The following PTPRD variants were observed in gnomAD, a reference collection of about 807,000 sequenced individuals.
PTPRD encodes receptor-type tyrosine-protein phosphatase delta.
PTPRD carries 34 observed loss-of-function variants against 214.5 expected under a neutral mutation model. The observed-to-expected ratio is 0.16, with a 90% CI of 0.12 to 0.21. PTPRD has a LOEUF of 0.21. Ranked by LOEUF, PTPRD falls within the 10% of genes least tolerant of loss-of-function variation. The probability of loss-of-function intolerance (pLI) is 1.00; values close to 1 mark genes in which losing one functional copy is unlikely to be tolerated. For missense variants in PTPRD, 2,545 were observed against 2,398.7 expected, an observed-to-expected ratio of 1.06 and a Z score of -1.27; for synonymous variants, 1,128 against 845.7, an observed-to-expected ratio of 1.33 and a Z score of -5.79.
chr9:10,100,280 A>G (rs112396907), intron 3 of PTPRD, among the ~76,000 whole-genome samples: 3 of 151,716 alleles, frequency 2.0e-5, no homozygotes, highest in African/African-American at 4.8e-5. Context: ...TTTAATAGTT[A>G]GAACAATATG....
chr9:8,614,226 T>C (rs1312078286), intron 14 of PTPRD, among the ~76,000 whole-genome samples: 2 of 152,180 alleles, frequency 1.3e-5, no homozygotes, highest in Non-Finnish European at 2.9e-5. Flanking sequence ...CTAAAGTTTA[T>C]TTGTAACCTC....
intron 39 of PTPRD, among the ~76,000 whole-genome samples, chr9:8,373,619 GT>G (rs2082199307): frequency 8.4e-4 from 7 of 8,352 alleles, no homozygotes; most frequent in African/African-American, 1.1e-3. Flanking sequence ...GCGGGTGTGT[GT>G]GTGTGTGTGT....
chr9:9,328,245 T>G (rs1185225537), intron 9 of PTPRD, among the ~76,000 whole-genome samples: 1 of 152,090 alleles, frequency 6.6e-6, no homozygotes, highest in Non-Finnish European at 1.5e-5. Flanking sequence ...ATGGTAAAGT[T>G]TTAAGGAAGA....
intron 39 of PTPRD, among the ~76,000 whole-genome samples, chr9:8,358,873 C>T (rs998209857): frequency 2.0e-5 from 3 of 151,308 alleles, no homozygotes; most frequent in South Asian, 4.2e-4. Flanking sequence ...TTTGGGAGGC[C>T]GAGGCGGGCG....
intron 11 of PTPRD, among the ~76,000 whole-genome samples, chr9:8,955,303 G>A (rs1224400096): frequency 4.6e-5 from 7 of 151,880 alleles, no homozygotes; most frequent in Admixed American, 3.3e-4. Context: ...ACAGGAGATA[G>A]GCTGTCTTCT....
intron 2 of PTPRD, among the ~76,000 whole-genome samples, chr9:10,408,183 T>C (rs1490474541): frequency 6.6e-6 from 1 of 151,472 alleles, no homozygotes; most frequent in Non-Finnish European, 1.5e-5. Flanking sequence ...CAACCTAAGG[T>C]TCTGGTTCCT....
At chr9:10,499,273 TGCA>T (rs1244012142) in intron 2 of PTPRD, among the ~76,000 whole-genome samples, 4 of 151,962 alleles carry the variant, frequency 2.6e-5, no homozygotes, top group Non-Finnish European at 5.9e-5. Flanking sequence ...TGTGAGAACA[TGCA>T]GTGTTTGGTT....
intron 6 of PTPRD, among the ~76,000 whole-genome samples, chr9:9,758,519 G>A (rs1005382072): frequency 6.6e-6 from 1 of 152,134 alleles, no homozygotes; most frequent in African/African-American, 2.4e-5. Flanking sequence ...GAGAGAGGCA[G>A]CGTGTGAGTT....
chr9:10,214,341 G>T lies in PTPRD; in HGVS notation c.-545+126622C>A, dbSNP rs116666569. Among the ~76,000 whole-genome samples the T allele has an allele frequency of 2.8e-3, 421 of 151,366 alleles. 4 individuals are homozygous for T. The highest frequency in any genetic ancestry group is 9.8e-3 in the African/African-American group (404 of 41,228). ...GCCCAGGCTGGAGTATAATGATGTT[G>T]TGTTGGCTCACTGCAACCTCTACCT... On this transcript the variant is annotated intron_variant, in intron 3 of 45. Transcript: ENST00000381196.
At chr9:9,145,901 A>G (rs1304491351) in intron 10 of PTPRD, among the ~76,000 whole-genome samples, 1 of 152,250 alleles carries the variant, frequency 6.6e-6, no homozygotes, top group Non-Finnish European at 1.5e-5. Flanking sequence ...GGTAATTAAC[A>G]TAGGCACGTA....
intron 9 of PTPRD, among the ~76,000 whole-genome samples, chr9:9,342,554 G>C (rs1291110314): frequency 2.0e-5 from 3 of 152,142 alleles, no homozygotes; most frequent in African/African-American, 4.8e-5. Flanking sequence ...GAAGGGAAAA[G>C]TAGAGCTGTT....
chr9:10,104,081 G>A (rs2098599362), intron 3 of PTPRD, among the ~76,000 whole-genome samples: 1 of 151,664 alleles, frequency 6.6e-6, no homozygotes, highest in African/African-American at 2.4e-5. Flanking sequence ...GACAAATACT[G>A]TTCGATTCCA....
chr9:10,116,130 C>T (rs1299676156), intron 3 of PTPRD, among the ~76,000 whole-genome samples: 2 of 152,112 alleles, frequency 1.3e-5, no homozygotes, highest in South Asian at 2.1e-4. Context: ...AACATAATTG[C>T]TTTTTTTCTT....
At chr9:9,779,890 G>A (rs1322624978) in intron 5 of PTPRD, among the ~76,000 whole-genome samples, 2 of 152,134 alleles carry the variant, frequency 1.3e-5, no homozygotes, top group Non-Finnish European at 2.9e-5. Flanking sequence ...ATTCAACCCA[G>A]CAATCCCATT....
At chr9:8,406,820 T>C (rs1238649879) in intron 35 of PTPRD, among the ~76,000 whole-genome samples, 1 of 152,202 alleles carries the variant, frequency 6.6e-6, no homozygotes, top group Non-Finnish European at 1.5e-5. Flanking sequence ...CATGGAATTA[T>C]AACTACCACT....
chr9:8,964,731 C>T (rs1485081227), intron 11 of PTPRD, among the ~76,000 whole-genome samples: 3 of 151,978 alleles, frequency 2.0e-5, no homozygotes, highest in East Asian at 1.9e-4. Context: ...TTGCTGCATC[C>T]CAGAGATTTT....
intron 11 of PTPRD, among the ~76,000 whole-genome samples, chr9:8,868,494 G>A (rs1586948841): frequency 1.3e-5 from 2 of 152,144 alleles, no homozygotes; most frequent in South Asian, 4.1e-4. Context: ...ATGAGCCACT[G>A]TGCCCAGCCT....
intron 9 of PTPRD, among the ~76,000 whole-genome samples, chr9:9,358,237 T>C (rs2054625229): frequency 6.6e-6 from 1 of 151,318 alleles, no homozygotes; most frequent in South Asian, 2.1e-4. Flanking sequence ...TAGGTTATAT[T>C]GCCTGTTGTC....
chr9:9,426,074 G>A (rs1256154436), intron 8 of PTPRD, among the ~76,000 whole-genome samples: 1 of 152,076 alleles, frequency 6.6e-6, no homozygotes, highest in Non-Finnish European at 1.5e-5. Context: ...GACAGTGGAT[G>A]CAGCCCACTG....
Sources: allele counts gnomAD v4.1 joint callset (sites outside exome capture counted in the v4.1 genomes callset), GRCh38; gene constraint gnomAD v4.1.1; transcripts MANE v1.5; gene names NCBI Gene and HGNC (gene_info 2026-07-23, HGNC 2026-07-21).